The following NYAP2 variants were observed in gnomAD, a reference collection of about 807,000 sequenced individuals.
NYAP2 encodes the protein neuronal tyrosine-phosphorylated phosphoinositide-3-kinase adapter 2.
In NYAP2, 23 loss-of-function variants were observed where a neutral mutation model predicts 50.4. That is an observed-to-expected ratio of 0.46 (90% confidence interval 0.33 to 0.65). NYAP2 has a LOEUF of 0.65. Ranked by LOEUF, NYAP2 falls within the 30% of genes least tolerant of loss-of-function variation. NYAP2 has a pLI of 0.02. For missense variants in NYAP2, 885 were observed against 861.0 expected (o/e 1.03, Z -0.35); for synonymous variants, 394 against 365.2 (o/e 1.08, Z -0.90).
At chr2:225,424,790 A>G (rs1373842755) in intron 3 of NYAP2, among the ~76,000 whole-genome samples, 1 of 152,180 alleles carries the variant, frequency 6.6e-6, no homozygotes, top group African/African-American at 2.4e-5. Flanking sequence ...TAAAGTAAAA[A>G]GGGAGATTAT....
downstream of NYAP2, among the ~76,000 whole-genome samples, chr2:225,654,578 G>C (rs1369791240): frequency 1.3e-5 from 2 of 152,088 alleles, no homozygotes; most frequent in Non-Finnish European, 2.9e-5. Context: ...CAGCTACTTG[G>C]GAGGCTGAGG....
chr2:225,440,498 A>G (rs972834308), intron 3 of NYAP2, among the ~76,000 whole-genome samples: 1 of 152,218 alleles, frequency 6.6e-6, no homozygotes, highest in Non-Finnish European at 1.5e-5. Context: ...CTTTAAGGCT[A>G]AGGAGCAATA....
At chr2:225,659,097 C>G in the NYAP2 span, among the ~76,000 whole-genome samples, 2 of 152,176 alleles carry the variant, frequency 1.3e-5, no homozygotes, top group African/African-American at 4.8e-5. Flanking sequence ...AGAAGATGTT[C>G]TCAAAGAAGT....
At chr2:225,437,321 C>T (rs1038007555) in intron 3 of NYAP2, among the ~76,000 whole-genome samples, 8 of 152,130 alleles carry the variant, frequency 5.3e-5, no homozygotes, top group Admixed American at 5.2e-4. Flanking sequence ...CTTTCTGCTC[C>T]TGTGTTTTAA....
At chr2:225,576,643 T>C (rs1692174354) in intron 4 of NYAP2, among the ~76,000 whole-genome samples, 1 of 152,214 alleles carries the variant, frequency 6.6e-6, no homozygotes, top group Non-Finnish European at 1.5e-5. Flanking sequence ...ATTACTTATT[T>C]AAATATAACT....
intron 5 of NYAP2, among the ~76,000 whole-genome samples, chr2:225,597,558 G>C (rs1445281597): frequency 5.0e-5 from 3 of 59,674 alleles, no homozygotes; most frequent in Non-Finnish European, 1.1e-4. Flanking sequence ...TCCACTTGTT[G>C]ATTGATAGAC....
chr2:225,518,978 A>G (rs550465034), intron 4 of NYAP2, among the ~76,000 whole-genome samples: 1 of 152,218 alleles, frequency 6.6e-6, no homozygotes, highest in East Asian at 1.9e-4. Context: ...AGACTGTGCT[A>G]CTGAATCGAA....
In NYAP2 at chr2:225,456,992, G is replaced by C. The variant is rs117673922; in HGVS notation, c.221+47891G>C. On this transcript the variant is annotated intron_variant, in intron 3 of 6. Coordinates refer to ENST00000636099, the Ensembl canonical transcript of NYAP2. ...CTGGCTGCTTGTTGTTAGAAGAAAA[G>C]TGATTTCCTTGAAATGCATGAGGTT... Among the ~76,000 whole-genome samples the C allele has an allele frequency of 6.3e-3, 956 of 152,290 alleles. 17 individuals are homozygous for C. The highest frequency in any genetic ancestry group is 0.046 in the East Asian group (238 of 5,174).
At chr2:225,501,912 G>A (rs1690615588) in intron 3 of NYAP2, among the ~76,000 whole-genome samples, 1 of 152,166 alleles carries the variant, frequency 6.6e-6, no homozygotes, top group Non-Finnish European at 1.5e-5. Context: ...GTGTGATAAA[G>A]GAGGTGCTAT....
chr2:225,592,740 A>G (rs1574698484), intron 5 of NYAP2, among the ~76,000 whole-genome samples: 1 of 152,140 alleles, frequency 6.6e-6, no homozygotes, highest in South Asian at 2.1e-4. Flanking sequence ...ATAATTGCTC[A>G]CCTTTCTGGG....
At chr2:225,542,633 A>C (rs1691496719) in intron 4 of NYAP2, among the ~76,000 whole-genome samples, 1 of 151,994 alleles carries the variant, frequency 6.6e-6, no homozygotes, top group East Asian at 1.9e-4. Context: ...CTTGGGCATG[A>C]TGAATGATCT....
At chr2:225,689,143 G>A in the NYAP2 span, among the ~76,000 whole-genome samples, 14 of 152,308 alleles carry the variant, frequency 9.2e-5, no homozygotes, top group African/African-American at 3.1e-4. Context: ...CAGCATGGTA[G>A]TTGAAACCAG....
At chr2:225,441,732 C>T (rs1395236130) in intron 3 of NYAP2, among the ~76,000 whole-genome samples, 1 of 152,170 alleles carries the variant, frequency 6.6e-6, no homozygotes, top group Non-Finnish European at 1.5e-5. Flanking sequence ...ATCCAATCAC[C>T]TCCCACCAGG....
At chr2:225,444,317 A>G (rs1051967148) in intron 3 of NYAP2, among the ~76,000 whole-genome samples, 5 of 152,124 alleles carry the variant, frequency 3.3e-5, no homozygotes, top group Admixed American at 2.0e-4. Context: ...TGATGACCAC[A>G]CTCACCCTGA....
At chr2:225,692,192 G>T in the NYAP2 span, among the ~76,000 whole-genome samples, 2 of 152,044 alleles carry the variant, frequency 1.3e-5, no homozygotes, top group Admixed American at 1.3e-4. Flanking sequence ...AATCAATAGA[G>T]ATATGCATGC....
At chr2:225,550,879 T>C (rs1248726356) in intron 4 of NYAP2, among the ~76,000 whole-genome samples, 3 of 152,154 alleles carry the variant, frequency 2.0e-5, no homozygotes, top group African/African-American at 7.2e-5. Flanking sequence ...TGAGTTTTAT[T>C]GGGTGGTGAA....
intron 3 of NYAP2, among the ~76,000 whole-genome samples, chr2:225,480,512 T>C (rs1690188304): frequency 6.6e-6 from 1 of 151,994 alleles, no homozygotes; most frequent in Non-Finnish European, 1.5e-5. Flanking sequence ...AAAATGGACA[T>C]GCCGAGGAAG....
In NYAP2 at chr2:225,582,798, C is replaced by T; in HGVS notation, c.1381C>T (p.His461Tyr). 6.2e-7 allele frequency: 1 copy of T among 1,613,950 alleles called. No individual in the cohort carries two copies. Among genetic ancestry groups the T allele is most frequent in the Non-Finnish European group, 8.5e-7 (1 of 1,179,890 alleles). The change falls in exon 5 of 7, where the codon CAT becomes TAT. Residue 461 changes from histidine (H) to tyrosine (Y), a missense_variant. His to Tyr is a moderately conservative substitution (Grantham distance 83). Coordinates refer to ENST00000636099, the Ensembl canonical transcript of NYAP2. The surrounding 1 kb of genome is among the most constrained non-coding windows in gnomAD (Gnocchi z 7.0). ...AAGGCCTCCCCCTTACGACGCTGTGCATTCGGGCAGCCTCTCAAGGAGCTC... is the reference window on the plus strand; with the variant it reads ...AAGGCCTCCCCCTTACGACGCTGTGTATTCGGGCAGCCTCTCAAGGAGCTC...
chr2:225,495,692 A>C (rs1267374231), intron 3 of NYAP2, among the ~76,000 whole-genome samples: 3 of 152,350 alleles, frequency 2.0e-5, no homozygotes, highest in Non-Finnish European at 4.4e-5. Context: ...AATCACAAGA[A>C]TAGATACTGG....
Sources: allele counts gnomAD v4.1 joint callset (sites outside exome capture counted in the v4.1 genomes callset), GRCh38; gene constraint gnomAD v4.1.1; non-coding constraint Gnocchi (gnomAD v3.1); transcripts MANE v1.5; gene names NCBI Gene and HGNC (gene_info 2026-07-23, HGNC 2026-07-21).